The following CENPN variants were observed in gnomAD, a reference collection of about 807,000 sequenced individuals.
CENPN encodes centromere protein N, also known as interphase centromere complex protein 32.
CENPN carries 36 observed loss-of-function variants against 48.6 expected under a neutral mutation model. The observed-to-expected ratio is 0.74, with a 90% confidence interval of 0.57 to 0.98. CENPN has a LOEUF of 0.98. Among genes scored for constraint, CENPN ranks in the 50% least tolerant of loss-of-function variants. CENPN has a pLI of 0.00. For missense variants in CENPN, 439 were observed against 399.2 expected, an observed-to-expected ratio of 1.10 and a Z score of -0.85; for synonymous variants, 166 against 135.2, an observed-to-expected ratio of 1.23 and a Z score of -1.58.
chr16:81,011,884 T>A, intron 1 of CENPN, 46 bp from the exon 2 acceptor site: 2 of 1,450,252 alleles, frequency 1.4e-6, no homozygotes, highest in Non-Finnish European at 1.9e-6. Context: ...CAGACAAGTA[T>A]TGTATTTGGT....
intron 9 of CENPN, among the ~76,000 whole-genome samples, chr16:81,027,537 C>T (rs1472411622): frequency 6.6e-6 from 1 of 152,136 alleles, no homozygotes. Context: ...GGTATTTTTA[C>T]ATTGAAGTTA....
chr16:81,025,993 G>A (rs1003506617), intron 8 of CENPN, among the ~76,000 whole-genome samples: 18 of 150,502 alleles, frequency 1.2e-4, no homozygotes, highest in African/African-American at 3.4e-4. Context: ...GTGAGCCACC[G>A]TGCCCAGCCG....
rs947791843 is a variant in CENPN at position 81,031,277 on chromosome 16, C to T, written c.*2626C>T. 2 of 152,108 alleles carry T rather than the reference C, an allele frequency of 1.3e-5. No individual in the cohort carries two copies. Among genetic ancestry groups the T allele is most frequent in the African/African-American group, 2.4e-5 (1 of 41,432 alleles). The allele number at this position is 152,108 out of a possible 1,614,324, so 9.4% of individuals were successfully genotyped here. On this transcript the variant is annotated 3_prime_UTR_variant, in exon 11 of 11. Transcript: ENST00000305850. ...ATTTTATTTCACCAGCACTACAACT[C>T]CTCAACAGCACCAACCAATAAACTA...
At position 81,029,276 on chromosome 16, in the gene CENPN, A is replaced by C. The variant is rs570066534; in HGVS notation, c.*625A>C. The C allele has an allele frequency of 1.1e-6, 1 of 912,044 alleles. No individual in the cohort carries two copies. Among genetic ancestry groups the C allele is most frequent in the African/African-American group, 1.8e-5 (1 of 55,698 alleles). 56.5% of individuals were successfully genotyped at this position (912,044 alleles called of 1,614,324 possible). On this transcript the variant is annotated 3_prime_UTR_variant, in exon 11 of 11. Coordinates refer to ENST00000305850, the MANE Select transcript of CENPN (RefSeq NM_001100624.3). Reference sequence around the variant, plus strand: ...ATGTGTATAACATTCAAACTGACAAATATATTGACTTATGAATAAAGGTGT... The same window carrying C: ...ATGTGTATAACATTCAAACTGACAACTATATTGACTTATGAATAAAGGTGT...
At chr16:81,018,464 G>A (rs527535841) in intron 5 of CENPN, among the ~76,000 whole-genome samples, 1 of 152,140 alleles carries the variant, frequency 6.6e-6, no homozygotes, top group South Asian at 2.1e-4. Context: ...GTGAGCCACC[G>A]CACCCAGCCT....
At position 81,026,502 on chromosome 16, in the gene CENPN, T is replaced by G. The variant is rs765438360; in HGVS notation, c.698-24T>G. 5.0e-6 allele frequency: 6 copies of G among 1,197,642 alleles called. No individual in the cohort carries two copies. The East Asian group carries it at 1.4e-4, about 28-fold the overall frequency. The allele number at this position is 1,197,642 out of a possible 1,614,324, so 74.2% of individuals were successfully genotyped here. ...ATGAAATATATTCCTAACGGCTGTT[T>G]TATTTGAAATCTTCCACCCATAGTG... On this transcript the variant is annotated intron_variant, in intron 8 of 10. Transcript: ENST00000305850.
chr16:81,027,480 A>T (rs1970558627), intron 9 of CENPN, among the ~76,000 whole-genome samples: 1 of 152,232 alleles, frequency 6.6e-6, no homozygotes, highest in South Asian at 2.1e-4. Flanking sequence ...ACTCTGTCTC[A>T]AAAAAGAAAC....
intron 6 of CENPN, among the ~76,000 whole-genome samples, chr16:81,020,662 T>TA (rs940497263): frequency 6.6e-6 from 1 of 152,074 alleles, no homozygotes; most frequent in African/African-American, 2.4e-5. Flanking sequence ...ATACTTAATA[T>TA]AAAAAAATGC....
In CENPN at chr16:81,026,602, T is replaced by C. The variant is rs768137092; in HGVS notation, c.774T>C (p.Asp258=). ...VQRITQETFG[D]YPQPQLEFAQ... is the part of the protein sequence containing the mutation. ...GAATAACTCAAGAAACATTTGGAGA[T>C]TATCCTCAACCACAACTAGAATTTG... Residue 258 remains aspartate, a synonymous_variant, in exon 9 of 11, where the codon GAT becomes GAC. Coordinates refer to ENST00000305850, the MANE Select transcript of CENPN (RefSeq NM_001100624.3). 5.0e-6 allele frequency: 8 copies of C among 1,602,530 alleles called. No individual in the cohort carries two copies. The highest frequency in any genetic ancestry group is 6.8e-6 in the Non-Finnish European group (8 of 1,171,330).
intron 1 of CENPN, 72 bp downstream of exon 1, chr16:81,007,349 C>G (rs1969460754): frequency 6.6e-6 from 1 of 152,268 alleles, no homozygotes; most frequent in African/African-American, 2.4e-5. Context: ...AGATCCCAGG[C>G]CTCGGGGGTG....
At chr16:81,026,097 ATGTG>A (rs1282127260) in intron 8 of CENPN, among the ~76,000 whole-genome samples, 35 of 126,696 alleles carry the variant, frequency 2.8e-4, no homozygotes, top group African/African-American at 1.1e-3. Context: ...GTGTATATAT[ATGTG>A]TGTGTATATA....
chr16:81,008,745 A>G (rs745798290), intron 1 of CENPN, among the ~76,000 whole-genome samples: 2 of 152,232 alleles, frequency 1.3e-5, no homozygotes, highest in Non-Finnish European at 2.9e-5. Flanking sequence ...ACAAGTATTT[A>G]TCAAAGACAC....
intron 5 of CENPN, among the ~76,000 whole-genome samples, chr16:81,018,178 T>C (rs1970010275): frequency 6.6e-6 from 1 of 152,004 alleles, no homozygotes; most frequent in South Asian, 2.1e-4. Context: ...TTAATCTTTT[T>C]TTTTTTTTCT....
At chr16:81,009,548 T>A (rs1323609305) in intron 1 of CENPN, among the ~76,000 whole-genome samples, 1 of 152,246 alleles carries the variant, frequency 6.6e-6, no homozygotes, top group Non-Finnish European at 1.5e-5. Context: ...TCCTGTTTCA[T>A]GATCCTGATT....
rs1195562260 is a variant in CENPN at position 81,030,453 on chromosome 16, A to G, written c.*1802A>G. 1 of 966,192 alleles carries G rather than the reference A, an allele frequency of 1.0e-6. No individual in the cohort carries two copies. 59.9% of individuals were successfully genotyped at this position (966,192 alleles called of 1,614,324 possible). On this transcript the variant is annotated 3_prime_UTR_variant, in exon 11 of 11. Coordinates refer to ENST00000305850, the MANE Select transcript of CENPN (RefSeq NM_001100624.3). ...CAAGTGTGAAACATGATATAGAAAA[A>G]TGACTTCACTCTGGGCCGGGTGTAG... is the stretch of plus-strand genomic sequence containing the variant.
chr16:81,011,765 G>A (rs903557413), intron 1 of CENPN, among the ~76,000 whole-genome samples, 165 bp from the exon 2 acceptor site: 20 of 152,204 alleles, frequency 1.3e-4, no homozygotes, highest in African/African-American at 4.8e-4. Flanking sequence ...CACTTTGGCA[G>A]GTTGAGGCGG....
Position 81,018,026 on chromosome 16 carries a change from G to C in CENPN, c.354+192G>C, listed in dbSNP as rs1347947696. Among the ~76,000 whole-genome samples the C allele has an allele frequency of 2.6e-5, 4 of 152,014 alleles. No homozygotes were observed. In the East Asian group the frequency reaches 7.7e-4, roughly 29 times the overall value. ...CCCTTTCCTCTCTCCTGTCCATTCA[G>C]GGCCTGAGGCTTCTTTTTCCAGAGG... is the stretch of plus-strand genomic sequence containing the variant. On this transcript the variant is annotated intron_variant, in intron 5 of 10. Coordinates refer to ENST00000305850, the MANE Select transcript of CENPN (RefSeq NM_001100624.3).
Position 81,012,019 on chromosome 16 carries a change from C to T in CENPN, c.80C>T (p.Ala27Val). The change falls in exon 2 of 11, where the codon GCC becomes GTC. Residue 27 changes from alanine (A) to valine (V), a missense_variant. Transcript: ENST00000305850. ...PMNELTTILK[A>V]WDFLSENQLQ... ...AATGAACTGACAACAATCCTGAAGG[C>T]CTGGGATTTTTTGTCTGAAAATCAA... The T allele has an allele frequency of 1.9e-6, 3 of 1,614,000 alleles. No homozygotes were observed. The highest frequency in any genetic ancestry group is 2.5e-6 in the Non-Finnish European group (3 of 1,179,928).
At chr16:81,007,901 G>C (rs1281213371) in intron 1 of CENPN, among the ~76,000 whole-genome samples, 1 of 152,146 alleles carries the variant, frequency 6.6e-6, no homozygotes, top group African/African-American at 2.4e-5. Flanking sequence ...TAGGTCAGGA[G>C]TTCGAGACCA....
Sources: allele counts gnomAD v4.1 joint callset (sites outside exome capture counted in the v4.1 genomes callset), GRCh38; gene constraint gnomAD v4.1.1; transcripts MANE v1.5; gene names NCBI Gene and HGNC (gene_info 2026-07-23, HGNC 2026-07-21).